IARS2: variants seen among roughly 807,000 people sequenced by gnomAD.
IARS2 encodes the protein isoleucyl-tRNA synthetase 2, mitochondrial.
A neutral mutation model predicts 126.3 loss-of-function variants in IARS2; 56 were observed. The ratio of observed to expected loss-of-function variants is 0.44; its 90% CI spans 0.36 to 0.55. IARS2 has a LOEUF of 0.55. Among genes scored for constraint, IARS2 ranks in the 20% least tolerant of loss-of-function variants. The pLI, the probability that IARS2 is intolerant of heterozygous loss-of-function variation, is 0.00. For missense variants in IARS2, 1,127 were observed against 1,245.9 expected, an observed-to-expected ratio of 0.90 and a Z score of 1.44; for synonymous variants, 407 against 441.1, an observed-to-expected ratio of 0.92 and a Z score of 0.97.
At chr1:220,141,663 T>G (rs1657494878) in intron 19 of IARS2, 140 bp from the exon 20 acceptor site, 1 of 797,394 alleles carries the variant, frequency 1.3e-6, no homozygotes, top group Non-Finnish European at 2.0e-6. Context: ...TGTAGGAGAG[T>G]GTATTGTATT....
chr1:220,125,774 G>T (rs1657141900), intron 13 of IARS2, among the ~76,000 whole-genome samples: 1 of 151,850 alleles, frequency 6.6e-6, no homozygotes, highest in Non-Finnish European at 1.5e-5. Flanking sequence ...CTACACTGCA[G>T]CCTGGGTGAC....
rs1657386898 is a variant in IARS2 at position 220,136,803 on chromosome 1, C to T, written c.1947-6C>T. ...TATCATTAAAATAGCTGATTTGTCC[C>T]TTTAGGACAGTGATTGTTCATGGAT... On this transcript the variant is annotated splice_polypyrimidine_tract_variant and splice_region_variant and intron_variant, in intron 15 of 22. Coordinates refer to ENST00000366922, the MANE Select transcript of IARS2 (RefSeq NM_018060.4). 6.7e-7 allele frequency: 1 copy of T among 1,501,732 alleles called. No individual in the cohort carries two copies. Among genetic ancestry groups the T allele is most frequent in the Non-Finnish European group, 9.3e-7 (1 of 1,080,994 alleles). The allele number at this position is 1,501,732 out of a possible 1,614,324, so 93.0% of individuals were successfully genotyped here. A position where few individuals can be genotyped will look rare whatever the true frequency, so the allele number is the denominator to read the frequency against.
chr1:220,143,940 A>C (rs1377350235), intron 21 of IARS2: 3 of 1,174,022 alleles, frequency 2.6e-6, no homozygotes, highest in Non-Finnish European at 3.7e-6. Flanking sequence ...TTTATTTGTA[A>C]ATATATGTAT....
chr1:220,115,298 C>T (rs191160142), intron 12 of IARS2, among the ~76,000 whole-genome samples: 397 of 152,284 alleles, frequency 2.6e-3, no homozygotes, highest in African/African-American at 9.0e-3. Context: ...TGCGGTGGCT[C>T]ACGCCTGTAA....
At chr1:220,127,869 AT>A (rs1264151978) in intron 14 of IARS2, among the ~76,000 whole-genome samples, 8 of 152,242 alleles carry the variant, frequency 5.3e-5, no homozygotes, top group African/African-American at 1.7e-4. Context: ...TATTTTTATA[AT>A]TTTTTTGTAG....
In IARS2 at chr1:220,134,482, G is replaced by T; in HGVS notation, c.1918G>T (p.Val640Leu). Reference sequence around the variant, plus strand: ...GTTTCAGTCATCCTTATTAACAAGTGTGGCAGCAAGGAAGAGAGCACCTTA... The same window carrying T: ...GTTTCAGTCATCCTTATTAACAAGTTTGGCAGCAAGGAAGAGAGCACCTTA... ...GWFQSSLLTS[V>L]AARKRAPYKT... Residue 640 changes from valine to leucine, a missense_variant, in exon 15 of 23, where the codon GTG becomes TTG. Transcript: ENST00000366922. 1 of 1,612,942 alleles carries T rather than the reference G, an allele frequency of 6.2e-7. No individual in the cohort carries two copies. The highest frequency in any genetic ancestry group is 2.2e-5 in the East Asian group (1 of 44,824).
chr1:220,132,449 G>C (rs1657289106), intron 14 of IARS2, among the ~76,000 whole-genome samples: 1 of 151,508 alleles, frequency 6.6e-6, no homozygotes, highest in South Asian at 2.1e-4. Flanking sequence ...CTATGTGTTA[G>C]TGTACATTTG....
chr1:220,127,395 T>A (rs1314619783), intron 14 of IARS2, among the ~76,000 whole-genome samples: 1 of 152,206 alleles, frequency 6.6e-6, no homozygotes, highest in Non-Finnish European at 1.5e-5. Flanking sequence ...TGTTTTTGAC[T>A]GATTGGATAA....
At chr1:220,111,201 G>A (rs747744666) in intron 11 of IARS2, among the ~76,000 whole-genome samples, 6 of 152,160 alleles carry the variant, frequency 3.9e-5, no homozygotes, top group Non-Finnish European at 8.8e-5. Flanking sequence ...GCCCAGTGTA[G>A]TCAAAGTTGC....
At position 220,147,504 on chromosome 1, in the gene IARS2, C is replaced by T. The variant is rs554478316; in HGVS notation, c.2908C>T (p.Arg970Cys). ...FLINLEGGDI[R>C]EESSYKVIVM... The stretch of plus-strand genomic sequence containing the variant: ...GTATTTTTTTATAGGTGGTGATATT[C>T]GTGAAGAGTCTTCCTATAAAGTAAT... The change falls in exon 23 of 23, where the codon CGT (arginine) becomes TGT (cysteine). Residue 970 changes from arginine (R) to cysteine (C), a missense_variant. Arg to Cys is a radical substitution (Grantham distance 180). Coordinates refer to ENST00000366922, the MANE Select transcript of IARS2 (RefSeq NM_018060.4). 2.2e-5 allele frequency: 35 copies of T among 1,613,912 alleles called. No homozygotes were observed. In the East Asian group the frequency reaches 5.6e-4, roughly 26 times the overall value.
At chr1:220,094,786 T>C (rs1656402276) in intron 1 of IARS2, among the ~76,000 whole-genome samples, 1 of 152,152 alleles carries the variant, frequency 6.6e-6, no homozygotes, top group Admixed American at 6.5e-5. Flanking sequence ...GCAAAACAGA[T>C]AGACTTTGGG....
intron 14 of IARS2, among the ~76,000 whole-genome samples, chr1:220,127,884 TTTTCAGAATTATTA>T (rs140328865): frequency 0.051 from 7,789 of 152,230 alleles, 244 homozygotes; most frequent in East Asian, 0.11. Flanking sequence ...TTTGTAGTGA[TTTTCAGAATTATTA>T]TTTCATAATT....
intron 12 of IARS2, among the ~76,000 whole-genome samples, chr1:220,121,931 G>T (rs1033042726): frequency 2.0e-5 from 3 of 151,956 alleles, no homozygotes; most frequent in Non-Finnish European, 2.9e-5. Context: ...CATCTCTAGA[G>T]GGGGGGAAAG....
intron 12 of IARS2, among the ~76,000 whole-genome samples, chr1:220,115,320 T>C (rs1197387281): frequency 1.3e-5 from 2 of 152,204 alleles, no homozygotes; most frequent in African/African-American, 2.4e-5. Flanking sequence ...CCCAGCCCTT[T>C]GGGAGGCCGA....
Position 220,096,144 on chromosome 1 carries a change from G to C in IARS2, c.308G>C (p.Arg103Thr), listed in dbSNP as rs1425257768. Reference protein sequence around the residue: ...FSELYSWQRERKVKTEFCLHD... With the variant: ...FSELYSWQRETKVKTEFCLHD... ...GAACTTTATTCATGGCAAAGAGAAA[G>C]AAAAGTAAAGACAGAATTTTGCCTT... The change falls in exon 2 of 23, where the codon AGA (arginine) becomes ACA (threonine). Residue 103 changes from arginine (R) to threonine (T), a missense_variant. Transcript: ENST00000366922. 3 of 1,537,582 alleles carry C rather than the reference G, an allele frequency of 2.0e-6. No individual in the cohort carries two copies. The African/African-American group carries it at 4.1e-5, about 21-fold the overall frequency.
At position 220,100,487 on chromosome 1, in the gene IARS2, C is replaced by G; in HGVS notation, c.391-3C>G. On this transcript the variant is annotated splice_region_variant and splice_polypyrimidine_tract_variant and intron_variant, in intron 2 of 22. Coordinates refer to ENST00000366922, the MANE Select transcript of IARS2 (RefSeq NM_018060.4). ...AATGATAATTATCATTTTATCTTTGCAGATTTTGAAAGACATAGCCAATCG... is the reference window on the plus strand; with the variant it reads ...AATGATAATTATCATTTTATCTTTGGAGATTTTGAAAGACATAGCCAATCG... 2 of 1,590,484 alleles carry G rather than the reference C, an allele frequency of 1.3e-6. No homozygotes were observed. Among genetic ancestry groups the G allele is most frequent in the African/African-American group, 2.7e-5 (2 of 74,174 alleles).
At chr1:220,110,039 G>C (rs985810802) in intron 10 of IARS2, among the ~76,000 whole-genome samples, 1 of 152,124 alleles carries the variant, frequency 6.6e-6, no homozygotes, top group Non-Finnish European at 1.5e-5. Flanking sequence ...ATACCTGGAA[G>C]GTGACTACTC....
At chr1:220,145,261 G>C (rs983591661) in intron 21 of IARS2, among the ~76,000 whole-genome samples, 1 of 152,114 alleles carries the variant, frequency 6.6e-6, no homozygotes. Flanking sequence ...ACAATTAGAA[G>C]TAAGAGACAT....
chr1:220,119,813 T>G (rs1169394173), intron 12 of IARS2, among the ~76,000 whole-genome samples: 2 of 152,120 alleles, frequency 1.3e-5, no homozygotes, highest in African/African-American at 4.8e-5. Flanking sequence ...CTCTTAATGG[T>G]TGCCTAGTTC....
Sources: gnomAD v4.1 joint callset for allele counts (sites outside exome capture counted in the v4.1 genomes callset) on GRCh38, gnomAD v4.1.1 for gene constraint, MANE v1.5 for transcripts, NCBI Gene and HGNC (gene_info 2026-07-23, HGNC 2026-07-21) for gene names.